ARCN1: variants seen among roughly 807,000 people sequenced by gnomAD.
The protein encoded by ARCN1 is coatomer subunit delta.
In ARCN1, 5 loss-of-function variants were observed where a neutral mutation model predicts 60.4. That is an observed-to-expected ratio of 0.08 (90% CI 0.04 to 0.17). ARCN1 has a LOEUF of 0.17. ARCN1 is among the 10% of genes least tolerant of loss of function. ARCN1 has a pLI of 1.00. For missense variants in ARCN1, 464 were observed against 626.5 expected, an observed-to-expected ratio of 0.74 and a Z score of 2.77; for synonymous variants, 224 against 220.0, an observed-to-expected ratio of 1.02 and a Z score of -0.16.
intron 6 of ARCN1, among the ~76,000 whole-genome samples, chr11:118,590,806 T>C (rs1271138086): frequency 6.6e-6 from 1 of 152,212 alleles, no homozygotes; most frequent in Non-Finnish European, 1.5e-5. Flanking sequence ...TTTGCTGTTA[T>C]GAAAACAGTA....
At chr11:118,572,851 G>C (rs1231368093) in intron 1 of ARCN1, 2 of 403,084 alleles carry the variant, frequency 5.0e-6, no homozygotes, top group African/African-American at 4.1e-5. Flanking sequence ...CGAGAACTTC[G>C]TGGTGGTGGT....
At chr11:118,589,186 A>C (rs1244452959) in intron 5 of ARCN1, among the ~76,000 whole-genome samples, 1 of 152,162 alleles carries the variant, frequency 6.6e-6, no homozygotes, top group Non-Finnish European at 1.5e-5. Flanking sequence ...TTAATGGTTC[A>C]GGGAAAAAAA....
chr11:118,576,862 ACTT>A (rs1233100271), intron 1 of ARCN1, among the ~76,000 whole-genome samples: 31 of 152,138 alleles, frequency 2.0e-4, no homozygotes, highest in Admixed American at 1.9e-3. Context: ...ATTTTACCCT[ACTT>A]CTTTCTTCAT....
chr11:118,593,158 G>T (rs868941075), intron 7 of ARCN1, among the ~76,000 whole-genome samples: 1 of 152,120 alleles, frequency 6.6e-6, no homozygotes, highest in Middle Eastern at 3.2e-3. Flanking sequence ...CAAACTCCTG[G>T]ACTCAAGCCA....
chr11:118,586,794 G>A (rs1256428491), intron 5 of ARCN1, among the ~76,000 whole-genome samples: 2 of 149,808 alleles, frequency 1.3e-5, no homozygotes, highest in Admixed American at 1.3e-4. Flanking sequence ...AGAGGTTGCA[G>A]TGAGCCAAGA....
intron 8 of ARCN1, among the ~76,000 whole-genome samples, chr11:118,595,396 A>G (rs1175335052): frequency 1.3e-5 from 2 of 152,244 alleles, no homozygotes; most frequent in Admixed American, 1.3e-4. Context: ...ATTTCCTAAC[A>G]GCCCTTTTGG....
intron 2 of ARCN1, among the ~76,000 whole-genome samples, chr11:118,581,966 A>ACACACACAC (rs1472826072): frequency 6.7e-6 from 1 of 149,904 alleles, no homozygotes; most frequent in Admixed American, 6.6e-5. Context: ...ACACACACAC[A>ACACACACAC]CCTTTTAAGA....
chr11:118,591,804 G>A (rs1938917992), intron 6 of ARCN1, among the ~76,000 whole-genome samples: 1 of 149,658 alleles, frequency 6.7e-6, no homozygotes, highest in African/African-American at 2.5e-5. Context: ...GCACAACCTT[G>A]GCTCGCTGCA....
chr11:118,588,189 G>A (rs1555075749), intron 5 of ARCN1, among the ~76,000 whole-genome samples: 1 of 152,168 alleles, frequency 6.6e-6, no homozygotes, highest in Non-Finnish European at 1.5e-5. Context: ...CTGGGCAAGG[G>A]TATGACCTAA....
chr11:118,586,210 C>T (rs1486984442), intron 5 of ARCN1, among the ~76,000 whole-genome samples: 3 of 152,160 alleles, frequency 2.0e-5, no homozygotes, highest in African/African-American at 7.2e-5. Context: ...ATTCTCCTGC[C>T]TCAGCCTCCC....
intron 2 of ARCN1, 95 bp downstream of exon 2, chr11:118,581,604 GC>G (rs1157417941): frequency 1.5e-6 from 2 of 1,374,336 alleles, no homozygotes; most frequent in Non-Finnish European, 2.0e-6. Flanking sequence ...TAACCAGTTT[GC>G]AGGTTCCTAC....
chr11:118,582,932 TC>T (rs1938693214), intron 2 of ARCN1, among the ~76,000 whole-genome samples: 1 of 151,730 alleles, frequency 6.6e-6, no homozygotes, highest in Admixed American at 6.6e-5. Context: ...TCCCAGCTAC[TC>T]CGGAAGCTGA....
At position 118,583,292 on chromosome 11, in the gene ARCN1, G is replaced by A; in HGVS notation, c.381G>A (p.Leu127=). 6.2e-7 allele frequency: 1 copy of A among 1,614,174 alleles called. No homozygotes were observed. Among genetic ancestry groups the A allele is most frequent in the Non-Finnish European group, 8.5e-7 (1 of 1,180,024 alleles). ...TGGGATACCGGGAGAATGTTAACTT[G>A]GCACAGATCAGAACCTTCACAGAAA... ...VALGYRENVN[L]AQIRTFTEMD... is the part of the protein sequence containing the mutation. Residue 127 remains leucine (L), a synonymous_variant, in exon 3 of 10, where the codon TTG becomes TTA. Transcript: ENST00000264028.
intron 2 of ARCN1, 31 bp downstream of exon 2, chr11:118,581,540 CT>C: frequency 6.4e-7 from 1 of 1,567,458 alleles, no homozygotes; most frequent in Non-Finnish European, 8.6e-7. Context: ...CTGGGTTCCA[CT>C]TTTTGTTTTA....
chr11:118,578,575 T>A (rs1450535776), intron 1 of ARCN1, among the ~76,000 whole-genome samples: 51 of 152,136 alleles, frequency 3.4e-4, no homozygotes, highest in Admixed American at 3.3e-3. Context: ...GGGATTACAT[T>A]TACAATATGC....
intron 1 of ARCN1, among the ~76,000 whole-genome samples, 157 bp from the exon 2 acceptor site, chr11:118,581,089 C>T (rs1329733555): frequency 1.3e-5 from 2 of 152,110 alleles, no homozygotes; most frequent in Non-Finnish European, 2.9e-5. Context: ...CATTGCACTC[C>T]GGCATGGGTG....
At chr11:118,592,897 G>A in intron 7 of ARCN1, 41 bp downstream of exon 7, 1 of 1,573,394 alleles carries the variant, frequency 6.4e-7, no homozygotes, top group Non-Finnish European at 8.7e-7. Context: ...AGTTTGCATT[G>A]AGAACTAGAA....
chr11:118,598,558 G>A (rs895558884), intron 9 of ARCN1, among the ~76,000 whole-genome samples: 3 of 147,928 alleles, frequency 2.0e-5, no homozygotes, highest in African/African-American at 7.6e-5. Context: ...GCAATGGCGC[G>A]CTGTCAGCTC....
At chr11:118,582,256 C>T (rs1938673649) in intron 2 of ARCN1, among the ~76,000 whole-genome samples, 1 of 152,104 alleles carries the variant, frequency 6.6e-6, no homozygotes, top group Admixed American at 6.5e-5. Flanking sequence ...AATTTTCTGG[C>T]CTCAGCCTCC....
Sources: allele counts gnomAD v4.1 joint callset (sites outside exome capture counted in the v4.1 genomes callset), GRCh38; gene constraint gnomAD v4.1.1; transcripts MANE v1.5; gene names NCBI Gene and HGNC (gene_info 2026-07-23, HGNC 2026-07-21).